The following QTMAN variants were observed in gnomAD, a reference collection of about 807,000 sequenced individuals.
QTMAN encodes queuosine-tRNA mannosyltransferase.
At chr2:144,187,866 T>A in the QTMAN span, among the ~76,000 whole-genome samples, 1 of 152,156 alleles carries the variant, frequency 6.6e-6, no homozygotes, top group African/African-American at 2.4e-5. Context: ...CAAATTTAGA[T>A]GAGGTCATGC....
At chr2:144,079,602 T>C in the QTMAN span, among the ~76,000 whole-genome samples, 1 of 152,130 alleles carries the variant, frequency 6.6e-6, no homozygotes, top group South Asian at 2.1e-4. Context: ...GTTCACTCTA[T>C]CTGGGAGGAA....
chr2:144,289,736 A>G, the QTMAN span, among the ~76,000 whole-genome samples: 1 of 152,260 alleles, frequency 6.6e-6, no homozygotes, highest in African/African-American at 2.4e-5. Flanking sequence ...TGGATTAAAC[A>G]CTATAACCAA....
chr2:144,085,740 A>T, the QTMAN span, among the ~76,000 whole-genome samples: 1 of 152,192 alleles, frequency 6.6e-6, no homozygotes, highest in Non-Finnish European at 1.5e-5. Context: ...GAGGCTTTGA[A>T]TCGGAGCCTA....
the QTMAN span, among the ~76,000 whole-genome samples, chr2:144,287,274 A>C: frequency 6.6e-6 from 1 of 152,114 alleles, no homozygotes; most frequent in South Asian, 2.1e-4. Flanking sequence ...GTCTCTACTA[A>C]AAATACAAAA....
chr2:143,971,068 C>A, the QTMAN span, among the ~76,000 whole-genome samples: 3,655 of 151,872 alleles, frequency 0.024, 150 homozygotes, highest in African/African-American at 0.084. Flanking sequence ...TGTATTTACT[C>A]TTCCCTAAAA....
the QTMAN span, among the ~76,000 whole-genome samples, chr2:144,260,416 T>C: frequency 6.6e-6 from 1 of 152,118 alleles, no homozygotes; most frequent in Non-Finnish European, 1.5e-5. Flanking sequence ...TTATGTGTAG[T>C]AGAATTTGTT....
chr2:144,062,256 C>T, the QTMAN span, among the ~76,000 whole-genome samples: 1 of 152,224 alleles, frequency 6.6e-6, no homozygotes, highest in African/African-American at 2.4e-5. Flanking sequence ...TCTGTGTGCT[C>T]CCCTTCCCGT....
the QTMAN span, among the ~76,000 whole-genome samples, chr2:144,169,908 A>G: frequency 4.6e-5 from 7 of 152,128 alleles, no homozygotes; most frequent in African/African-American, 1.7e-4. Context: ...AATAGAAAAG[A>G]AAAAATCACT....
the QTMAN span, among the ~76,000 whole-genome samples, chr2:144,162,816 G>A: frequency 6.6e-6 from 1 of 152,158 alleles, no homozygotes. Flanking sequence ...AGCTAAGGAT[G>A]TGTCTATCAG....
chr2:144,035,867 T>C, the QTMAN span, among the ~76,000 whole-genome samples: 2 of 152,228 alleles, frequency 1.3e-5, no homozygotes, highest in Non-Finnish European at 2.9e-5. Context: ...TTTAGGCTTT[T>C]TCAGTGTGGT....
chr2:144,228,465 A>G, the QTMAN span, among the ~76,000 whole-genome samples: 1 of 152,194 alleles, frequency 6.6e-6, no homozygotes. Flanking sequence ...CAATCCCTCA[A>G]ATCTATTAAA....
chr2:144,197,436 G>A, the QTMAN span, among the ~76,000 whole-genome samples: 4 of 151,954 alleles, frequency 2.6e-5, no homozygotes, highest in Admixed American at 1.3e-4. Context: ...GAACATTTAC[G>A]TGCATGGAGT....
chr2:144,112,514 C>T, the QTMAN span, among the ~76,000 whole-genome samples: 1 of 152,200 alleles, frequency 6.6e-6, no homozygotes, highest in Non-Finnish European at 1.5e-5. Flanking sequence ...CTAGAAAAAT[C>T]TATTCTCTCT....
At chr2:144,007,318 T>C in the QTMAN span, 5 of 1,613,320 alleles carry the variant, frequency 3.1e-6, no homozygotes, top group Non-Finnish European at 4.2e-6. Context: ...GTGGATTTTT[T>C]CAAGTCTGAT....
the QTMAN span, among the ~76,000 whole-genome samples, chr2:144,189,535 T>C: frequency 1.3e-5 from 2 of 152,336 alleles, no homozygotes; most frequent in South Asian, 4.1e-4. Context: ...TCTGGGCAAT[T>C]GGTCGCTTTT....
At chr2:143,974,674 T>G in the QTMAN span, among the ~76,000 whole-genome samples, 1 of 152,184 alleles carries the variant, frequency 6.6e-6, no homozygotes, top group Non-Finnish European at 1.5e-5. Flanking sequence ...ATGGAAATTA[T>G]CTTTAGGGGT....
the QTMAN span, chr2:143,952,098 T>A: frequency 5.7e-6 from 8 of 1,394,078 alleles, no homozygotes; most frequent in Non-Finnish European, 7.1e-6. Flanking sequence ...GATACATTTT[T>A]AATGAAACAA....
the QTMAN span, among the ~76,000 whole-genome samples, chr2:144,267,917 T>A: frequency 6.6e-6 from 1 of 152,196 alleles, no homozygotes; most frequent in Non-Finnish European, 1.5e-5. Flanking sequence ...AAAATTCCTA[T>A]GTTAAAGCCT....
At chr2:143,988,891 T>G in the QTMAN span, among the ~76,000 whole-genome samples, 2 of 152,382 alleles carry the variant, frequency 1.3e-5, no homozygotes, top group East Asian at 3.9e-4. Flanking sequence ...TTACCATGGT[T>G]CTTATGCTAA....
Sources: gnomAD v4.1 joint callset for allele counts (sites outside exome capture counted in the v4.1 genomes callset) on GRCh38, gnomAD v4.1.1 for gene constraint, MANE v1.5 for transcripts, NCBI Gene and HGNC (gene_info 2026-07-23, HGNC 2026-07-21) for gene names.